ZC3H7A: variants seen among roughly 807,000 people sequenced by gnomAD.
ZC3H7A encodes zinc finger CCCH domain-containing protein 7A.
ZC3H7A carries 44 observed loss-of-function variants against 125.5 expected under a neutral mutation model. The ratio of observed to expected loss-of-function variants is 0.35; its 90% CI spans 0.28 to 0.45. The LOEUF (loss-of-function observed/expected upper bound fraction) is 0.45, where lower values mean the gene tolerates loss of function less well. Ranked by LOEUF, ZC3H7A falls within the 20% of genes least tolerant of loss-of-function variation. The pLI is 1.00. For missense variants in ZC3H7A, 977 were observed against 1,170.7 expected (o/e 0.83, Z 2.41); for synonymous variants, 399 against 391.2 (o/e 1.02, Z -0.23).
intron 1 of ZC3H7A, among the ~76,000 whole-genome samples, chr16:11,793,782 G>A (rs186588517): frequency 9.4e-4 from 143 of 152,318 alleles, no homozygotes; most frequent in Middle Eastern, 3.4e-3. Flanking sequence ...TAAAGTTGTT[G>A]AAGCTCCTAT....
At chr16:11,795,097 C>T (rs1450843527) in intron 1 of ZC3H7A, among the ~76,000 whole-genome samples, 2 of 152,182 alleles carry the variant, frequency 1.3e-5, no homozygotes. Flanking sequence ...AAACCTCATA[C>T]AACTATTTGT....
chr16:11,764,046 G>A (rs1357155382), intron 15 of ZC3H7A, among the ~76,000 whole-genome samples: 2 of 151,462 alleles, frequency 1.3e-5, no homozygotes, highest in Admixed American at 6.6e-5. Context: ...CGCCTGCCTC[G>A]GCCTCCCAAA....
intron 22 of ZC3H7A, among the ~76,000 whole-genome samples, chr16:11,752,375 A>G (rs8043748): frequency 0.65 from 98,601 of 152,206 alleles, 33,717 homozygotes; most frequent in African/African-American, 0.86. Flanking sequence ...AGCTGTGAAC[A>G]CAAAGGTCAT....
chr16:11,776,542 ATAAG>A lies in ZC3H7A; in HGVS notation c.466-14_466-11del, dbSNP rs1567386865. The A allele has an allele frequency of 2.5e-6, 4 of 1,594,710 alleles. No homozygotes were observed. In the South Asian group the frequency reaches 3.4e-5, roughly 14 times the overall value. ...TTATTACATGCTCATCCTGAAAAAA[ATAAG>A]TATGTATAATTAACAGGGTTATATT... On this transcript the variant is annotated splice_polypyrimidine_tract_variant and intron_variant, in intron 5 of 22. Coordinates refer to ENST00000355758, the MANE Select transcript of ZC3H7A (RefSeq NM_014153.4).
intron 1 of ZC3H7A, among the ~76,000 whole-genome samples, chr16:11,791,619 C>G (rs927327341): frequency 1.3e-5 from 2 of 152,194 alleles, no homozygotes; most frequent in African/African-American, 2.4e-5. Flanking sequence ...ATACAAAGTT[C>G]AGAGGCCCAG....
chr16:11,789,726 C>A (rs796760416), intron 1 of ZC3H7A, among the ~76,000 whole-genome samples: 26 of 152,240 alleles, frequency 1.7e-4, no homozygotes, highest in African/African-American at 6.3e-4. Flanking sequence ...TGTTTCCAAT[C>A]TTTAAAGGTC....
chr16:11,789,560 A>T (rs2053316447), intron 1 of ZC3H7A, among the ~76,000 whole-genome samples: 1 of 152,006 alleles, frequency 6.6e-6, no homozygotes, highest in Non-Finnish European at 1.5e-5. Context: ...GGCCGTGCAT[A>T]TGTTCTTTTT....
At chr16:11,763,710 AATATATATAT>A (rs55932357) in intron 15 of ZC3H7A, 51 bp from the exon 16 acceptor site, 141 of 229,002 alleles carry the variant, frequency 6.2e-4, no homozygotes, top group African/African-American at 9.1e-4. Flanking sequence ...AGATTTTTCA[AATATATATAT>A]ATATATATAT....
chr16:11,778,076 C>T (rs1227759567), intron 4 of ZC3H7A, among the ~76,000 whole-genome samples: 2 of 150,998 alleles, frequency 1.3e-5, no homozygotes, highest in African/African-American at 4.9e-5. Flanking sequence ...ACTTCAAAAG[C>T]TTTTAAGCTT....
chr16:11,752,804 T>C lies in ZC3H7A; in HGVS notation c.2591A>G (p.Lys864Arg). Residue 864 changes from lysine (K) to arginine (R), a missense_variant, in exon 22 of 23, where the codon AAA becomes AGA. Around this residue, in one of 3 missense-constraint regions of ZC3H7A, gnomAD observed 436 missense variants for 603.2 expected, o/e 0.72. Transcript: ENST00000355758. The stretch of plus-strand genomic sequence containing the variant: ...CCACTGCTTCTCACTGTTGCAGTTT[T>C]TCCCACACATCCAGCAGTGAAAGTC... ...TVDFHCWMCG[K>R]NCNSEKQWQG... 1.9e-6 allele frequency: 3 copies of C among 1,613,582 alleles called. No homozygotes were observed. The highest frequency in any genetic ancestry group is 2.5e-6 in the Non-Finnish European group (3 of 1,179,878).
chr16:11,776,538 A>G lies in ZC3H7A; in HGVS notation c.466-6T>C, dbSNP rs759774217. ...AGTTTTATTACATGCTCATCCTGAA[A>G]AAAATAAGTATGTATAATTAACAGG... On this transcript the variant is annotated splice_polypyrimidine_tract_variant and splice_region_variant and intron_variant, in intron 5 of 22. Coordinates refer to ENST00000355758, the MANE Select transcript of ZC3H7A (RefSeq NM_014153.4). 21 of 1,598,922 alleles carry G rather than the reference A, an allele frequency of 1.3e-5. No individual in the cohort carries two copies. The highest frequency in any genetic ancestry group is 6.9e-5 in the South Asian group (6 of 87,478).
intron 10 of ZC3H7A, among the ~76,000 whole-genome samples, chr16:11,769,568 A>C (rs2052933294): frequency 6.6e-6 from 1 of 151,220 alleles, no homozygotes; most frequent in African/African-American, 2.4e-5. Context: ...AAAATTTGCC[A>C]GGTGTGATGG....
intron 1 of ZC3H7A, among the ~76,000 whole-genome samples, chr16:11,790,079 CAAAA>C (rs150579733): frequency 0.019 from 1,433 of 73,532 alleles, 8 homozygotes; most frequent in Middle Eastern, 0.031. Context: ...GACTCCATCT[CAAAA>C]AAAAAAAAAA....
Position 11,752,654 on chromosome 16 carries a change from T to C in ZC3H7A, c.2726+15A>G. ...CAGCAATTCTGACATGGAAAAATTG[T>C]AGAAACCTACATACCTATCACAAAT... is the stretch of plus-strand genomic sequence containing the variant. On this transcript the variant is annotated intron_variant, in intron 22 of 22. Transcript: ENST00000355758. 6.3e-7 allele frequency: 1 copy of C among 1,590,302 alleles called. No individual in the cohort carries two copies. Among genetic ancestry groups the C allele is most frequent in the Non-Finnish European group, 8.5e-7 (1 of 1,169,716 alleles).
intron 11 of ZC3H7A, 66 bp downstream of exon 11, chr16:11,768,965 C>G (rs1596387498): frequency 6.8e-7 from 1 of 1,466,830 alleles, no homozygotes; most frequent in Non-Finnish European, 9.3e-7. Context: ...ATTCAAATAA[C>G]TCGGTTACTT....
intron 17 of ZC3H7A, 110 bp from the exon 18 acceptor site, chr16:11,762,153 T>C (rs1327769869): frequency 8.9e-7 from 1 of 1,119,852 alleles, no homozygotes; most frequent in Non-Finnish European, 1.2e-6. Context: ...CAATTTCCCA[T>C]TTTTATCTGA....
At chr16:11,763,759 A>T (rs2052798888) in intron 15 of ZC3H7A, 100 bp from the exon 16 acceptor site, 3 of 153,914 alleles carry the variant, frequency 1.9e-5, no homozygotes. Flanking sequence ...ATATATATAT[A>T]TATATATATA....
In ZC3H7A at chr16:11,782,256, G is replaced by A. The variant is rs147892272; in HGVS notation, c.68+31C>T. ...CATCCACACCAAAGAATTAGGACGC[G>A]GCAAGAACACAAGAACTCTGAAGCT... is the stretch of plus-strand genomic sequence containing the variant. On this transcript the variant is annotated intron_variant, in intron 2 of 22. Coordinates refer to ENST00000355758, the MANE Select transcript of ZC3H7A (RefSeq NM_014153.4). 1.2e-4 allele frequency: 189 copies of A among 1,612,926 alleles called. No homozygotes were observed. The African/African-American group carries it at 2.1e-3, about 18-fold the overall frequency.
At chr16:11,781,337 C>T in intron 3 of ZC3H7A, 88 bp downstream of exon 3, 1 of 1,329,924 alleles carries the variant, frequency 7.5e-7, no homozygotes, top group Non-Finnish European at 1.1e-6. Flanking sequence ...ATTGGGCCCA[C>T]AAGGCCATCA....
Sources: gnomAD v4.1 joint callset for allele counts (sites outside exome capture counted in the v4.1 genomes callset) on GRCh38, gnomAD v4.1.1 for gene constraint, gnomAD v4.1.1 regional missense constraint, MANE v1.5 for transcripts, NCBI Gene and HGNC (gene_info 2026-07-23, HGNC 2026-07-21) for gene names.